NWD1: variants seen among roughly 807,000 people sequenced by gnomAD.
NWD1 encodes the protein NACHT and WD repeat domain containing 1.
A neutral mutation model predicts 135.1 loss-of-function variants in NWD1; 129 were observed. The ratio of observed to expected loss-of-function variants is 0.96; its 90% confidence interval spans 0.83 to 1.11. The LOEUF (loss-of-function observed/expected upper bound fraction) is 1.11. Among genes scored for constraint, NWD1 ranks in the 50% least tolerant of loss-of-function variants. The probability of loss-of-function intolerance (pLI) is 0.00; values close to 1 mark genes in which losing one functional copy is unlikely to be tolerated. For synonymous variants in NWD1, 773 were observed against 786.0 expected, an observed-to-expected ratio of 0.98 and a Z score of 0.28; for missense variants, 1,740 against 1,851.3, an observed-to-expected ratio of 0.94 and a Z score of 1.10.
intron 10 of NWD1, among the ~76,000 whole-genome samples, chr19:16,768,568 C>T (rs1025282562): frequency 1.4e-5 from 2 of 143,636 alleles, no homozygotes; most frequent in South Asian, 2.4e-4. Context: ...TTTTTCTCTA[C>T]CCTTTTATGT....
At chr19:16,792,479 C>G (rs145282223) in intron 14 of NWD1, among the ~76,000 whole-genome samples, 211 of 152,164 alleles carry the variant, frequency 1.4e-3, no homozygotes, top group African/African-American at 4.8e-3. Context: ...GAGTTCGAGA[C>G]CAGCCTGGCC....
intron 4 of NWD1, among the ~76,000 whole-genome samples, chr19:16,740,933 C>T (rs890056013): frequency 6.6e-6 from 1 of 152,078 alleles, no homozygotes; most frequent in Non-Finnish European, 1.5e-5. Context: ...CCGAGGCAGG[C>T]GGATCACTTG....
intron 11 of NWD1, among the ~76,000 whole-genome samples, chr19:16,776,467 C>T (rs1280157047): frequency 6.6e-6 from 1 of 151,570 alleles, no homozygotes; most frequent in Non-Finnish European, 1.5e-5. Flanking sequence ...ACTCTGGAGG[C>T]TGAGGCAGGA....
intron 11 of NWD1, among the ~76,000 whole-genome samples, chr19:16,773,939 TATCCATCCATCCATCCATCC>T (rs200226720): frequency 8.0e-6 from 1 of 124,362 alleles, no homozygotes; most frequent in African/African-American, 3.1e-5. Flanking sequence ...TCCATCCATC[TATCCATCCATCCATCCATCC>T]ATCCATCCAT....
At chr19:16,754,347 T>G (rs1024575239) in intron 6 of NWD1, among the ~76,000 whole-genome samples, 9 of 150,690 alleles carry the variant, frequency 6.0e-5, no homozygotes, top group African/African-American at 2.2e-4. Flanking sequence ...GTTTCTATCT[T>G]CTTTCCATCC....
intron 14 of NWD1, among the ~76,000 whole-genome samples, chr19:16,793,689 G>T (rs1183514122): frequency 2.0e-5 from 3 of 151,248 alleles, no homozygotes; most frequent in Non-Finnish European, 1.5e-5. Context: ...CGATTCTCCT[G>T]CCTCCGCCTC....
At chr19:16,745,048 A>G (rs562903674) in intron 5 of NWD1, 1 of 512,460 alleles carries the variant, frequency 2.0e-6, no homozygotes, top group African/African-American at 1.9e-5. Flanking sequence ...TACAAAGGAA[A>G]GAGGTTTAAT....
chr19:16,746,927 CAG>C (rs1373079508), intron 5 of NWD1, among the ~76,000 whole-genome samples: 1 of 151,990 alleles, frequency 6.6e-6, no homozygotes, highest in East Asian at 1.9e-4. Flanking sequence ...TCAGGGGTGG[CAG>C]AGGCAGAAGA....
chr19:16,764,976 C>T (rs1246475738), intron 9 of NWD1, 58 bp from the exon 10 acceptor site: 5 of 1,577,066 alleles, frequency 3.2e-6, no homozygotes, highest in African/African-American at 1.3e-5. Flanking sequence ...CTCCACCTCC[C>T]AGGATGAACT....
chr19:16,733,234 AT>A (rs1028794526), intron 3 of NWD1, among the ~76,000 whole-genome samples: 3 of 150,676 alleles, frequency 2.0e-5, no homozygotes, highest in African/African-American at 7.3e-5. Flanking sequence ...AAAAAAAAAA[AT>A]CTGGGCCGGG....
intron 16 of NWD1, among the ~76,000 whole-genome samples, chr19:16,799,297 G>A (rs1970520799): frequency 6.6e-6 from 1 of 152,170 alleles, no homozygotes; most frequent in South Asian, 2.1e-4. Context: ...CCAGGTTCAA[G>A]TGAGTCTCCT....
At position 16,747,386 on chromosome 19, in the gene NWD1, A is replaced by AAT. The variant is rs1568347377; in HGVS notation, c.497-1753_497-1752insAT. On this transcript the variant is annotated intron_variant, in intron 5 of 18. Coordinates refer to ENST00000524140, the MANE Select transcript of NWD1 (RefSeq NM_001007525.5). ...ATTTATTTATTTATTTATTTATTTA[A>AAT]TTTTTTTTGAGACAAGGTCTTACTC... Among the ~76,000 whole-genome samples, 777 of 122,814 alleles carry AAT rather than the reference A, an allele frequency of 6.3e-3. 6 individuals carry two copies. The highest frequency in any genetic ancestry group is 0.024 in the African/African-American group (731 of 30,298). The allele number at this position is 122,814 out of a possible 152,430, so 80.6% of individuals were successfully genotyped here.
intron 8 of NWD1, among the ~76,000 whole-genome samples, chr19:16,762,361 A>G (rs556354137): frequency 1.5e-3 from 190 of 128,600 alleles, no homozygotes; most frequent in African/African-American, 5.4e-3. Flanking sequence ...CAATGGCGTG[A>G]TCTCAGCTCA....
chr19:16,801,749 C>T (rs1970608304), intron 17 of NWD1: 1 of 152,142 alleles, frequency 6.6e-6, no homozygotes, highest in Non-Finnish European at 1.5e-5. Flanking sequence ...GAAATTTAAT[C>T]CCCAGTGTTG....
intron 8 of NWD1, among the ~76,000 whole-genome samples, chr19:16,763,509 G>A (rs1354092799): frequency 6.6e-6 from 1 of 152,006 alleles, no homozygotes; most frequent in African/African-American, 2.4e-5. Flanking sequence ...CCCTTGCCCT[G>A]GAATGCCATT....
In NWD1 at chr19:16,815,089, T is replaced by G; in HGVS notation, c.*50T>G. 1.3e-6 allele frequency: 2 copies of G among 1,579,796 alleles called. No homozygotes were observed. Among genetic ancestry groups the G allele is most frequent in the Non-Finnish European group, 1.7e-6 (2 of 1,148,820 alleles). On this transcript the variant is annotated 3_prime_UTR_variant, in exon 19 of 19. Coordinates refer to ENST00000524140, the MANE Select transcript of NWD1 (RefSeq NM_001007525.5). The stretch of plus-strand genomic sequence containing the variant: ...TAAACAGAATCATCCCAACCACCAG[T>G]GGCTTCATTGCCCCCACCAGGCATG...
intron 15 of NWD1, among the ~76,000 whole-genome samples, chr19:16,795,100 T>G (rs572485558): frequency 1.6e-4 from 25 of 152,372 alleles, no homozygotes; most frequent in Non-Finnish European, 2.8e-4. Context: ...TTCCTTTTGA[T>G]GCAGGATTTT....
At chr19:16,789,224 C>G in intron 13 of NWD1, 34 bp downstream of exon 13, 3 of 1,545,192 alleles carry the variant, frequency 1.9e-6, no homozygotes, top group South Asian at 1.1e-5. Context: ...TAAAGGAAAG[C>G]TGAGACCAGA....
At chr19:16,765,958 A>C (rs1403717696) in intron 10 of NWD1, among the ~76,000 whole-genome samples, 1 of 149,640 alleles carries the variant, frequency 6.7e-6, no homozygotes, top group Non-Finnish European at 1.5e-5. Context: ...CGGAGGTTAC[A>C]GTGAGCCGAG....
Sources: gnomAD v4.1 joint callset for allele counts (sites outside exome capture counted in the v4.1 genomes callset) on GRCh38, gnomAD v4.1.1 for gene constraint, MANE v1.5 for transcripts, NCBI Gene and HGNC (gene_info 2026-07-23, HGNC 2026-07-21) for gene names.